Variants in ZNF420 observed in about 807,000 individuals in gnomAD.
ZNF420 encodes the protein zinc finger protein 420.
In ZNF420, 31 loss-of-function variants were observed where a neutral mutation model predicts 44.7. That is an observed-to-expected ratio of 0.69 (90% confidence interval 0.52 to 0.94). The LOEUF (loss-of-function observed/expected upper bound fraction) is 0.94, where lower values mean the gene tolerates loss of function less well. Ranked by LOEUF, ZNF420 falls within the 40% of genes least tolerant of loss-of-function variation. ZNF420 has a pLI of 0.00. For missense variants in ZNF420, 681 were observed against 827.9 expected (o/e 0.82, Z 2.18); for synonymous variants, 245 against 267.4 (o/e 0.92, Z 0.82).
intron 1 of ZNF420, among the ~76,000 whole-genome samples, chr19:37,015,103 G>A (rs758063777): frequency 6.6e-6 from 1 of 152,228 alleles, no homozygotes; most frequent in African/African-American, 2.4e-5. Flanking sequence ...CTGCCTGGCT[G>A]TGTGTTTCTG....
intron 1 of ZNF420, among the ~76,000 whole-genome samples, chr19:37,072,046 G>A (rs956048052): frequency 6.9e-4 from 105 of 152,020 alleles, no homozygotes; most frequent in African/African-American, 2.3e-3. Context: ...GCAAATACTC[G>A]AATAACATTG....
intron 4 of ZNF420, chr19:37,106,699 C>G (rs1233469960): frequency 6.6e-6 from 1 of 151,922 alleles, no homozygotes; most frequent in African/African-American, 2.4e-5. Context: ...TCAGGTGGAA[C>G]GAGAGACTGA....
chr19:37,045,646 A>C (rs187382704), intron 1 of ZNF420, among the ~76,000 whole-genome samples: 2 of 152,332 alleles, frequency 1.3e-5, no homozygotes, highest in African/African-American at 4.8e-5. Context: ...GGGGAAAAGC[A>C]TGAAAAAGAA....
intron 1 of ZNF420, among the ~76,000 whole-genome samples, chr19:37,038,543 G>T (rs77598031): frequency 9.9e-5 from 15 of 152,166 alleles, no homozygotes; most frequent in African/African-American, 3.6e-4. Context: ...ATGGAATATT[G>T]TAAGTCCTTT....
intron 1 of ZNF420, among the ~76,000 whole-genome samples, chr19:37,023,500 G>C (rs1324673271): frequency 1.3e-5 from 2 of 151,966 alleles, no homozygotes; most frequent in Non-Finnish European, 2.9e-5. Flanking sequence ...TGGGTAGCTG[G>C]GATTACAGGT....
At chr19:37,120,403 G>A (rs886851202) in intron 4 of ZNF420, among the ~76,000 whole-genome samples, 3 of 151,832 alleles carry the variant, frequency 2.0e-5, no homozygotes, top group African/African-American at 7.3e-5. Context: ...TGCAGAAAAG[G>A]CCTTTGACAA....
intron 1 of ZNF420, among the ~76,000 whole-genome samples, chr19:37,021,218 T>C (rs996260954): frequency 6.6e-6 from 1 of 152,220 alleles, no homozygotes; most frequent in East Asian, 1.9e-4. Flanking sequence ...AAAGCAGCCA[T>C]AGACAAAAAG....
At chr19:37,027,460 C>G (rs569786265) in intron 1 of ZNF420, among the ~76,000 whole-genome samples, 1 of 152,158 alleles carries the variant, frequency 6.6e-6, no homozygotes, top group South Asian at 2.1e-4. Context: ...AAGATTCACT[C>G]TTTGTGTTCT....
chr19:37,113,595 C>T (rs1450771134), intron 4 of ZNF420, among the ~76,000 whole-genome samples: 1 of 152,108 alleles, frequency 6.6e-6, no homozygotes, highest in African/African-American at 2.4e-5. Context: ...GGAGGCTTGC[C>T]GCAAAATCAG....
chr19:37,009,932 C>G (rs1354334026), intron 1 of ZNF420, among the ~76,000 whole-genome samples: 1 of 152,108 alleles, frequency 6.6e-6, no homozygotes, highest in East Asian at 1.9e-4. Flanking sequence ...CCGCAGCCCC[C>G]ACTCCCTCGC....
chr19:37,118,193 GA>G (rs1486377084), intron 4 of ZNF420, among the ~76,000 whole-genome samples: 9 of 151,804 alleles, frequency 5.9e-5, no homozygotes, highest in Admixed American at 5.9e-4. Context: ...AAGTTGAAAT[GA>G]AGGAAAAAAT....
intron 1 of ZNF420, among the ~76,000 whole-genome samples, chr19:37,011,988 G>A (rs2074572971): frequency 1.3e-5 from 2 of 152,198 alleles, no homozygotes; most frequent in South Asian, 4.1e-4. Context: ...ACCACGCCTT[G>A]AGGCTCATGG....
intron 4 of ZNF420, among the ~76,000 whole-genome samples, chr19:37,095,335 A>T (rs1187416272): frequency 6.6e-6 from 1 of 152,168 alleles, no homozygotes; most frequent in Non-Finnish European, 1.5e-5. Flanking sequence ...TTTCCTTAAG[A>T]TAATTAAAGG....
intron 1 of ZNF420, among the ~76,000 whole-genome samples, chr19:37,032,901 T>C (rs1457123063): frequency 6.6e-6 from 1 of 152,226 alleles, no homozygotes; most frequent in Non-Finnish European, 1.5e-5. Context: ...ATGATTCATC[T>C]GTATCAGGTG....
rs1370067127 is a variant in ZNF420, at chr19:37,038,079, G to A, written c.-125+29997G>A. Among the ~76,000 whole-genome samples the A allele has an allele frequency of 3.9e-5, 6 of 151,926 alleles. No homozygotes were observed. In the East Asian group the frequency reaches 1.2e-3, roughly 29 times the overall value. The stretch of plus-strand genomic sequence containing the variant: ...CCGGAGGCAGAGGTTTCAGTGAGCC[G>A]AGATCATGCCACTGCACTCCAACCT... On this transcript the variant is annotated intron_variant, in intron 1 of 4. Coordinates refer to the ZNF420 transcript ENST00000587029.
intron 4 of ZNF420, chr19:37,107,247 CA>C (rs1470697203): frequency 1.3e-5 from 2 of 152,302 alleles, no homozygotes. Flanking sequence ...CTCAGGCTAT[CA>C]CATGGGGAGA....
rs180818612 is a variant in ZNF420, at chr19:37,050,323, T to C, written c.-124-30022T>C. Among the ~76,000 whole-genome samples the C allele has an allele frequency of 9.0e-3, 1,375 of 152,334 alleles. 12 individuals carry two copies. Among genetic ancestry groups the C allele is most frequent in the Non-Finnish European group, 0.015 (1,012 of 68,028 alleles). On this transcript the variant is annotated intron_variant, in intron 1 of 4. Coordinates refer to the ZNF420 transcript ENST00000587029. Reference sequence around the variant, plus strand: ...ACCTTGGGCAGTATGGCCATTTTCATGATATTGATTCTTCCAACCCATGAG... The same window carrying C: ...ACCTTGGGCAGTATGGCCATTTTCACGATATTGATTCTTCCAACCCATGAG...
intron 1 of ZNF420, among the ~76,000 whole-genome samples, chr19:37,051,754 T>G (rs1294076236): frequency 6.6e-6 from 1 of 152,244 alleles, no homozygotes; most frequent in Non-Finnish European, 1.5e-5. Flanking sequence ...TTTCTTGCCT[T>G]CTGCTAGCTT....
At chr19:37,085,575 G>A (rs1968712113) in intron 2 of ZNF420, among the ~76,000 whole-genome samples, 3 of 152,154 alleles carry the variant, frequency 2.0e-5, no homozygotes, top group Non-Finnish European at 4.4e-5. Flanking sequence ...CAGCCATGCT[G>A]TTATGCGTGT....
Sources: allele counts gnomAD v4.1 joint callset (sites outside exome capture counted in the v4.1 genomes callset), GRCh38; gene constraint gnomAD v4.1.1; transcripts MANE v1.5; gene names NCBI Gene and HGNC (gene_info 2026-07-23, HGNC 2026-07-21).